KDM5B: variants seen among roughly 807,000 people sequenced by gnomAD.
KDM5B encodes lysine-specific demethylase 5B.
Under a neutral mutation model 193.4 loss-of-function variants are expected in KDM5B, and 144 were observed. That is an observed-to-expected ratio of 0.74 (90% confidence interval 0.65 to 0.86). KDM5B has a LOEUF of 0.86. KDM5B is among the 40% of genes least tolerant of loss of function. KDM5B has a pLI of 0.00. For missense variants in KDM5B, 1,833 were observed against 1,886.9 expected (o/e 0.97, Z 0.53); for synonymous variants, 668 against 682.6 (o/e 0.98, Z 0.33).
chr1:202,762,666 G>A (rs750042639), intron 7 of KDM5B, 33 bp downstream of exon 7: 3 of 1,228,524 alleles, frequency 2.4e-6, no homozygotes, highest in East Asian at 4.6e-5. Context: ...AGGAAAACAG[G>A]AAAGAAAAAG....
chr1:202,768,820 C>A (rs1363045012), intron 4 of KDM5B, among the ~76,000 whole-genome samples: 1 of 149,774 alleles, frequency 6.7e-6, no homozygotes, highest in Non-Finnish European at 1.5e-5. Flanking sequence ...CAGGTTCAAG[C>A]AATTCTCCTG....
chr1:202,799,756 A>C (rs1658000875), intron 1 of KDM5B, among the ~76,000 whole-genome samples: 1 of 152,186 alleles, frequency 6.6e-6, no homozygotes, highest in Non-Finnish European at 1.5e-5. Flanking sequence ...TATCCCTGCA[A>C]AATAATAGTT....
At chr1:202,734,878 A>G (rs1268726938) in intron 22 of KDM5B, among the ~76,000 whole-genome samples, 1 of 152,222 alleles carries the variant, frequency 6.6e-6, no homozygotes, top group Non-Finnish European at 1.5e-5. Context: ...CCACTCTAGA[A>G]CGGGCAATGC....
At chr1:202,788,656 A>G (rs1657513770) in intron 1 of KDM5B, among the ~76,000 whole-genome samples, 1 of 152,186 alleles carries the variant, frequency 6.6e-6, no homozygotes, top group Non-Finnish European at 1.5e-5. Flanking sequence ...ATTTTATGAT[A>G]CTTCAATCAC....
chr1:202,795,898 T>A (rs573760206), intron 1 of KDM5B: 1 of 151,928 alleles, frequency 6.6e-6, no homozygotes. Flanking sequence ...TAATTGTTGG[T>A]AAATAATAAA....
At chr1:202,754,746 G>C (rs933059388) in intron 11 of KDM5B, among the ~76,000 whole-genome samples, 1 of 152,186 alleles carries the variant, frequency 6.6e-6, no homozygotes, top group Non-Finnish European at 1.5e-5. Context: ...GCAATGGTGC[G>C]GTCTCTTGGC....
Position 202,741,383 on chromosome 1 carries a change from T to G in KDM5B, c.2929A>C (p.Ser977Arg). ...CTTTTTCACCTGGCCTTGAGGAGAC[T>G]CTTGGCTTTGTCGTCCCAGTGCTCT... ...VSEHWDDKAK[S>R]LLKARPRHSL... Residue 977 changes from serine to arginine, a missense_variant, in exon 19 of 27, where the codon AGT becomes CGT. Coordinates refer to ENST00000367265, the MANE Select transcript of KDM5B (RefSeq NM_006618.5). 2 of 1,551,086 alleles carry G rather than the reference T, an allele frequency of 1.3e-6. No individual in the cohort carries two copies. Among genetic ancestry groups the G allele is most frequent in the Non-Finnish European group, 8.7e-7 (1 of 1,150,742 alleles).
intron 9 of KDM5B, among the ~76,000 whole-genome samples, chr1:202,757,535 T>C (rs1490530992): frequency 6.6e-6 from 1 of 152,150 alleles, no homozygotes; most frequent in East Asian, 1.9e-4. Flanking sequence ...ATGCAAGTCA[T>C]CAGGATTGGT....
chr1:202,787,523 CT>C (rs1657458016), intron 1 of KDM5B, among the ~76,000 whole-genome samples: 2 of 152,018 alleles, frequency 1.3e-5, no homozygotes, highest in South Asian at 4.1e-4. Flanking sequence ...TCTTTAATGT[CT>C]GGTTTAATAT....
chr1:202,759,822 G>A (rs1485155270), intron 8 of KDM5B, among the ~76,000 whole-genome samples: 1 of 152,104 alleles, frequency 6.6e-6, no homozygotes, highest in Non-Finnish European at 1.5e-5. Flanking sequence ...GTTGTTCAAT[G>A]TTTTAATAAT....
intron 5 of KDM5B, 90 bp downstream of exon 5, chr1:202,766,836 G>T: frequency 7.3e-7 from 1 of 1,379,254 alleles, no homozygotes; most frequent in South Asian, 1.5e-5. Context: ...AAACTACAAA[G>T]AGCACACACA....
intron 11 of KDM5B, among the ~76,000 whole-genome samples, chr1:202,754,351 T>C (rs530950277): frequency 6.6e-6 from 1 of 152,180 alleles, no homozygotes; most frequent in Non-Finnish European, 1.5e-5. Flanking sequence ...TTTTCAAATA[T>C]TTTTATATTT....
intron 14 of KDM5B, among the ~76,000 whole-genome samples, chr1:202,748,637 G>C (rs1368329499): frequency 6.6e-6 from 1 of 152,190 alleles, no homozygotes; most frequent in African/African-American, 2.4e-5. Context: ...GGGAGGTTGA[G>C]TTGGGTGGAT....
At chr1:202,771,788 G>C (rs1301906117) in intron 4 of KDM5B, among the ~76,000 whole-genome samples, 1 of 151,674 alleles carries the variant, frequency 6.6e-6, no homozygotes, top group Non-Finnish European at 1.5e-5. Flanking sequence ...CACCATGTTG[G>C]CCAGGATGGT....
chr1:202,773,947 G>C (rs1223744596), intron 3 of KDM5B, among the ~76,000 whole-genome samples: 1 of 152,030 alleles, frequency 6.6e-6, no homozygotes, highest in Non-Finnish European at 1.5e-5. Flanking sequence ...ATGTTGGTCA[G>C]GCTGGTCTTG....
At position 202,764,409 on chromosome 1, in the gene KDM5B, G is replaced by A. The variant is rs553806209; in HGVS notation, c.712-264C>T. ...CGCAGCACTTTGGGAGGCTGAGGCA[G>A]GCAGATCACTTAAGGTCAGGAGTTC... On this transcript the variant is annotated intron_variant, in intron 5 of 26. Transcript: ENST00000367265. Among the ~76,000 whole-genome samples, 12 of 152,224 alleles carry A rather than the reference G, an allele frequency of 7.9e-5. No individual in the cohort carries two copies. The South Asian group carries it at 2.5e-3, about 32-fold the overall frequency.
At chr1:202,750,551 AG>A in intron 13 of KDM5B, 107 bp downstream of exon 13, 1 of 1,185,766 alleles carries the variant, frequency 8.4e-7, no homozygotes, top group Non-Finnish European at 1.2e-6. Context: ...CTGGGATTAT[AG>A]GCATGAGCTA....
At chr1:202,753,829 C>T (rs1277528677) in intron 11 of KDM5B, among the ~76,000 whole-genome samples, 1 of 151,962 alleles carries the variant, frequency 6.6e-6, no homozygotes, top group Non-Finnish European at 1.5e-5. Context: ...ACCACCATGC[C>T]CAGCTAATTT....
intron 1 of KDM5B, 62 bp downstream of exon 1, chr1:202,808,040 C>T: frequency 6.4e-7 from 1 of 1,552,268 alleles, no homozygotes; most frequent in Admixed American, 1.8e-5. Flanking sequence ...CCTCCCCGGA[C>T]CCGCGCGTCC....
Sources: allele counts gnomAD v4.1 joint callset (sites outside exome capture counted in the v4.1 genomes callset), GRCh38; gene constraint gnomAD v4.1.1; transcripts MANE v1.5; gene names NCBI Gene and HGNC (gene_info 2026-07-23, HGNC 2026-07-21).